The following MCF2 variants were observed in gnomAD, a reference collection of about 807,000 sequenced individuals.
MCF2 encodes MCF.2 cell line derived transforming sequence.
MCF2 carries 44 observed loss-of-function variants against 82.5 expected under a neutral mutation model. That is an observed-to-expected ratio of 0.53 (90% CI 0.42 to 0.69). MCF2 has a LOEUF of 0.69. MCF2 is among the 30% of genes least tolerant of loss of function. The pLI is 0.00. For missense variants in MCF2, 623 were observed against 663.1 expected (o/e 0.94, Z 0.66); for synonymous variants, 217 against 224.9 (o/e 0.96, Z 0.32).
At chrX:139,690,344 T>TG (rs1164059732) in intron 1 of MCF2, among the ~76,000 whole-genome samples, 1,345 of 104,374 alleles carry the variant, frequency 0.013, 19 homozygotes, top group African/African-American at 0.044. Flanking sequence ...AGGAGTTTTT[T>TG]TTTTTTTTTT....
intron 6 of MCF2, among the ~76,000 whole-genome samples, chrX:139,621,023 G>C (rs781675928): frequency 9.0e-6 from 1 of 111,418 alleles, no homozygotes; most frequent in African/African-American, 3.2e-5. Flanking sequence ...GAACAGAATA[G>C]AGAACCCAGA....
chrX:139,629,027 C>A (rs1355111499), intron 4 of MCF2, among the ~76,000 whole-genome samples: 2 of 111,787 alleles, frequency 1.8e-5, no homozygotes, highest in Non-Finnish European at 3.8e-5. Flanking sequence ...CCTCCTGACT[C>A]CTCCTCAAAA....
chrX:139,692,540 A>T (rs1301284952), intron 1 of MCF2, among the ~76,000 whole-genome samples: 2 of 111,878 alleles, frequency 1.8e-5, no homozygotes, highest in African/African-American at 6.5e-5. Flanking sequence ...GGACGCAAGG[A>T]GCTAAAAGAG....
intron 1 of MCF2, among the ~76,000 whole-genome samples, chrX:139,694,498 G>T (rs1000302199): frequency 2.7e-5 from 3 of 110,014 alleles, no homozygotes; most frequent in African/African-American, 9.9e-5. Flanking sequence ...CTAATATAAG[G>T]ATAGACTTAT....
At chrX:139,631,854 T>C (rs1381159022) in intron 2 of MCF2, among the ~76,000 whole-genome samples, 1 of 111,411 alleles carries the variant, frequency 9.0e-6, no homozygotes, top group Non-Finnish European at 1.9e-5. Context: ...TTATAATTTA[T>C]CAGGAGGGGC....
At chrX:139,665,264 C>T (rs907737298) in intron 1 of MCF2, among the ~76,000 whole-genome samples, 1 of 111,313 alleles carries the variant, frequency 9.0e-6, no homozygotes, top group Non-Finnish European at 1.9e-5. Context: ...TCCTTGTGGC[C>T]TAGACTGCCT....
At chrX:139,651,268 T>C (rs921046384) in intron 2 of MCF2, among the ~76,000 whole-genome samples, 1 of 111,628 alleles carries the variant, frequency 9.0e-6, no homozygotes, top group Non-Finnish European at 1.9e-5. Flanking sequence ...CAACTTTCTT[T>C]ATAATGTGTA....
intron 13 of MCF2, among the ~76,000 whole-genome samples, chrX:139,605,361 A>G (rs1930908283): frequency 9.0e-6 from 1 of 111,307 alleles, no homozygotes; most frequent in African/African-American, 3.3e-5. Flanking sequence ...TTCAGACCAA[A>G]TTAATATCAT....
exon 9 of MCF2, chrX:139,616,354 A>T: frequency 6.8e-6 from 8 of 1,180,475 alleles, no homozygotes; most frequent in Non-Finnish European, 9.2e-6. Flanking sequence ...TAAAGGGTAG[A>T]GCCATTTCAA....
chrX:139,688,567 C>T (rs1935184180), intron 1 of MCF2, among the ~76,000 whole-genome samples: 1 of 112,167 alleles, frequency 8.9e-6, no homozygotes. Flanking sequence ...GTAAAATTTG[C>T]AGTGAACAGG....
chrX:139,706,330 T>C (rs1303654206), intron 1 of MCF2, among the ~76,000 whole-genome samples: 1 of 112,350 alleles, frequency 8.9e-6, no homozygotes, highest in Non-Finnish European at 1.9e-5. Flanking sequence ...CCATCAGTGG[T>C]AAATGGGATA....
chrX:139,627,130 C>T (rs1431072919), intron 4 of MCF2, among the ~76,000 whole-genome samples: 2 of 111,471 alleles, frequency 1.8e-5, no homozygotes, highest in African/African-American at 6.5e-5. Context: ...TGGGATCTTG[C>T]TATGTTGCCC....
intron 12 of MCF2, among the ~76,000 whole-genome samples, chrX:139,606,266 T>C (rs1931003856): frequency 9.1e-6 from 1 of 109,909 alleles, no homozygotes; most frequent in East Asian, 2.8e-4. Context: ...TTTTTCCCTT[T>C]TCAAAGTAAT....
At chrX:139,699,983 G>T (rs28377270) in intron 1 of MCF2, among the ~76,000 whole-genome samples, 1,681 of 111,346 alleles carry the variant, frequency 0.015, 37 homozygotes, top group African/African-American at 0.051. Context: ...GCTAGTTCTG[G>T]GTTACTTGTG....
rs143227620 is a variant in MCF2 at position 139,684,949 on chromosome X, T to C, written c.-45+23157A>G. Among the ~76,000 whole-genome samples, 1,081 of 111,633 alleles carry C rather than the reference T, an allele frequency of 9.7e-3. 11 individuals carry two copies. Among genetic ancestry groups the C allele is most frequent in the African/African-American group, 0.033 (1,016 of 30,713 alleles). On this transcript the variant is annotated intron_variant, in intron 1 of 27. Transcript: ENST00000414978. ...GTGATTATACTAAAAACCATTGAAT[T>C]GCATACTTTAAGTAGGTTAATTGTA...
intron 1 of MCF2, among the ~76,000 whole-genome samples, chrX:139,659,579 G>A (rs1603302457): frequency 9.0e-6 from 1 of 111,495 alleles, no homozygotes; most frequent in East Asian, 2.8e-4. Context: ...CAACCTCTCT[G>A]GGGTTTCTAT....
chrX:139,585,657 A>T (rs1047392403), intron 23 of MCF2, among the ~76,000 whole-genome samples: 2 of 111,773 alleles, frequency 1.8e-5, no homozygotes, highest in South Asian at 7.6e-4. Flanking sequence ...GGTGATCCTC[A>T]TGTATGCTTC....
Position 139,593,697 on chromosome X carries a change from C to T in MCF2, c.2277+2852G>A, listed in dbSNP as rs372442225. ...AAAAAGCTTATCCACCATGATCAAG[C>T]GGGCTTCATCCCTGGGATGCAAGGC... On this transcript the variant is annotated intron_variant, in intron 19 of 24. Transcript: ENST00000370576. Among the ~76,000 whole-genome samples, 227 of 111,268 alleles carry T rather than the reference C, an allele frequency of 2.0e-3. 2 individuals carry two copies. Among genetic ancestry groups the T allele is most frequent in the African/African-American group, 7.0e-3 (216 of 30,653 alleles).
intron 16 of MCF2, among the ~76,000 whole-genome samples, chrX:139,601,642 A>G (rs1044253651): frequency 9.0e-6 from 1 of 111,249 alleles, no homozygotes; most frequent in Non-Finnish European, 1.9e-5. Flanking sequence ...CAAGAAAAAT[A>G]AAGACATGGC....
Sources: gnomAD v4.1 joint callset for allele counts (sites outside exome capture counted in the v4.1 genomes callset) on GRCh38, gnomAD v4.1.1 for gene constraint, MANE v1.5 for transcripts, NCBI Gene and HGNC (gene_info 2026-07-23, HGNC 2026-07-21) for gene names.